Variants in SUSD4 observed in about 807,000 individuals in gnomAD.
The protein encoded by SUSD4 is sushi domain-containing protein 4.
SUSD4 carries 41 observed loss-of-function variants against 50.5 expected under a neutral mutation model. The observed-to-expected ratio is 0.81, with a 90% CI of 0.63 to 1.05. The LOEUF (loss-of-function observed/expected upper bound fraction) is 1.05, where lower values mean the gene tolerates loss of function less well. Among genes scored for constraint, SUSD4 ranks in the 50% least tolerant of loss-of-function variants. SUSD4 has a pLI of 0.00. For synonymous variants in SUSD4, 257 were observed against 257.3 expected (o/e 1.00, Z 0.01); for missense variants, 580 against 634.7 (o/e 0.91, Z 0.93).
intron 3 of SUSD4, among the ~76,000 whole-genome samples, chr1:223,272,790 T>C (rs1663005093): frequency 6.6e-6 from 1 of 152,218 alleles, no homozygotes; most frequent in South Asian, 2.1e-4. Context: ...TGTTTATTCA[T>C]CCAGCTGTTC....
chr1:223,298,653 C>CT (rs1664991861), intron 2 of SUSD4, among the ~76,000 whole-genome samples: 1 of 152,190 alleles, frequency 6.6e-6, no homozygotes, highest in African/African-American at 2.4e-5. Context: ...AAGCTGTTCT[C>CT]TCTCAGAGAA....
chr1:223,347,379 G>C (rs1668091230), intron 2 of SUSD4, among the ~76,000 whole-genome samples: 1 of 152,098 alleles, frequency 6.6e-6, no homozygotes, highest in African/African-American at 2.4e-5. Context: ...CCCCTTCCCA[G>C]TGCAGACGTC....
chr1:223,235,151 A>G (rs566924297), intron 5 of SUSD4: 1 of 1,520,748 alleles, frequency 6.6e-7, no homozygotes, highest in Non-Finnish European at 8.8e-7. Context: ...ATTTCTCTTG[A>G]TTGAAAAAAA....
chr1:223,311,345 G>A (rs1317938384), intron 2 of SUSD4, among the ~76,000 whole-genome samples: 1 of 152,192 alleles, frequency 6.6e-6, no homozygotes, highest in Non-Finnish European at 1.5e-5. Flanking sequence ...CTTTCTCTCT[G>A]GTTTTAGCCT....
intron 2 of SUSD4, among the ~76,000 whole-genome samples, chr1:223,324,751 A>T (rs973220959): frequency 9.9e-5 from 15 of 151,714 alleles, no homozygotes; most frequent in African/African-American, 3.6e-4. Context: ...CACCCACAAC[A>T]GCACTTGGGA....
chr1:223,284,560 T>C (rs1427424293), intron 3 of SUSD4, among the ~76,000 whole-genome samples: 1 of 152,230 alleles, frequency 6.6e-6, no homozygotes, highest in Admixed American at 6.5e-5. Flanking sequence ...AGCATGAGCA[T>C]GTTTATTGCA....
chr1:223,308,127 C>G (rs1477276750), intron 2 of SUSD4, among the ~76,000 whole-genome samples: 1 of 152,080 alleles, frequency 6.6e-6, no homozygotes, highest in Non-Finnish European at 1.5e-5. Context: ...ATTCTGAAAA[C>G]TATGTGATAT....
chr1:223,239,717 C>CTG (rs376158993), intron 5 of SUSD4, among the ~76,000 whole-genome samples: 2,297 of 149,556 alleles, frequency 0.015, 49 homozygotes, highest in East Asian at 0.12. Context: ...ATATAAGCGT[C>CTG]TGTGTGTGTG....
At chr1:223,253,867 G>C (rs1661505029) in intron 5 of SUSD4, among the ~76,000 whole-genome samples, 1 of 152,212 alleles carries the variant, frequency 6.6e-6, no homozygotes, top group South Asian at 2.1e-4. Flanking sequence ...CGTGGCATAA[G>C]CTAGAGGCTC....
At chr1:223,315,991 G>A (rs1225903226) in intron 2 of SUSD4, among the ~76,000 whole-genome samples, 1 of 152,174 alleles carries the variant, frequency 6.6e-6, no homozygotes, top group Non-Finnish European at 1.5e-5. Flanking sequence ...ATTCTATAGT[G>A]TGACTCTAGA....
At chr1:223,322,553 G>T (rs1381812853) in intron 2 of SUSD4, among the ~76,000 whole-genome samples, 1 of 152,198 alleles carries the variant, frequency 6.6e-6, no homozygotes, top group Non-Finnish European at 1.5e-5. Context: ...AAATAATTGT[G>T]ATATAAGATA....
Position 223,351,554 on chromosome 1 carries a change from G to A in SUSD4, c.148+11724C>T, listed in dbSNP as rs1442429675. Reference sequence around the variant, plus strand: ...GGAGGAAGCCAAGGACCATCTGAGAGTCACAGGAGGTTGTGGCAGTGAGAT... The same window carrying A: ...GGAGGAAGCCAAGGACCATCTGAGAATCACAGGAGGTTGTGGCAGTGAGAT... On this transcript the variant is annotated intron_variant, in intron 2 of 8. Coordinates refer to ENST00000366878, the MANE Select transcript of SUSD4 (RefSeq NM_017982.4). Among the ~76,000 whole-genome samples, 4 of 152,174 alleles carry A rather than the reference G, an allele frequency of 2.6e-5. No individual in the cohort carries two copies. The South Asian group carries it at 6.2e-4, about 24-fold the overall frequency.
chr1:223,273,062 C>A (rs1367283230), intron 3 of SUSD4, among the ~76,000 whole-genome samples: 2 of 152,256 alleles, frequency 1.3e-5, no homozygotes, highest in Middle Eastern at 3.4e-3. Context: ...GAGGAAATGA[C>A]ATTTATTAAG....
chr1:223,307,789 A>T (rs1665633608), intron 2 of SUSD4, among the ~76,000 whole-genome samples: 1 of 152,214 alleles, frequency 6.6e-6, no homozygotes, highest in South Asian at 2.1e-4. Context: ...TAGTCAAGCA[A>T]CAAGATTAGG....
chr1:223,317,854 T>TTC (rs1666309297), intron 2 of SUSD4, among the ~76,000 whole-genome samples: 1 of 139,814 alleles, frequency 7.2e-6, no homozygotes, highest in South Asian at 2.4e-4. Context: ...TTTTTTTCTT[T>TTC]TTTTTTTTTT....
chr1:223,289,026 C>T, intron 3 of SUSD4: 1 of 877,078 alleles, frequency 1.1e-6, no homozygotes, highest in Non-Finnish European at 1.4e-6. Context: ...TATATTTACT[C>T]TGGAAAAGTA....
intron 2 of SUSD4, among the ~76,000 whole-genome samples, chr1:223,339,634 G>C (rs763049353): frequency 6.6e-5 from 10 of 152,196 alleles, no homozygotes; most frequent in Non-Finnish European, 1.3e-4. Context: ...AGAATCTCAC[G>C]ACACCTTTTA....
In SUSD4 at chr1:223,229,894, T is replaced by A. The variant is rs761065522; in HGVS notation, c.725-506A>T. On this transcript the variant is annotated intron_variant, in intron 5 of 8. Coordinates refer to ENST00000366878, the MANE Select transcript of SUSD4 (RefSeq NM_017982.4). This position sits in a 1 kb window ranked among gnomAD's most constrained non-coding sequence, Gnocchi z 4.7. The stretch of plus-strand genomic sequence containing the variant: ...GCTGAGGCTTAGCCAATGACGAACA[T>A]GGAGCAGTTCTTCTAGCTCTGCTTG... 5.3e-5 allele frequency among the ~76,000 whole-genome samples: 8 copies of A among 152,186 alleles called. No homozygotes were observed. Among genetic ancestry groups the A allele is most frequent in the Non-Finnish European group, 7.3e-5 (5 of 68,038 alleles).
chr1:223,329,536 T>C (rs1344128223), intron 2 of SUSD4, among the ~76,000 whole-genome samples: 1 of 152,216 alleles, frequency 6.6e-6, no homozygotes, highest in Non-Finnish European at 1.5e-5. Context: ...GTCATTTGTG[T>C]TCTGTGTTCA....
Sources: gnomAD v4.1 joint callset for allele counts (sites outside exome capture counted in the v4.1 genomes callset) on GRCh38, gnomAD v4.1.1 for gene constraint, Gnocchi (gnomAD v3.1) non-coding constraint, MANE v1.5 for transcripts, NCBI Gene and HGNC (gene_info 2026-07-23, HGNC 2026-07-21) for gene names.